ACTG2: variants seen among roughly 807,000 people sequenced by gnomAD.
ACTG2 encodes actin, gamma-enteric smooth muscle.
Under a neutral mutation model 37.6 loss-of-function variants are expected in ACTG2, and 16 were observed. That is an observed-to-expected ratio of 0.43 (90% CI 0.29 to 0.65). The LOEUF is 0.65. Among genes scored for constraint, ACTG2 ranks in the 30% least tolerant of loss-of-function variants. The pLI is 0.18. For synonymous variants in ACTG2, 181 were observed against 179.9 expected, an observed-to-expected ratio of 1.01 and a Z score of -0.05; for missense variants, 238 against 490.9, an observed-to-expected ratio of 0.48 and a Z score of 4.87.
chr2:73,902,632 C>T (rs751520874), intron 3 of ACTG2, 144 bp downstream of exon 3: 13 of 1,552,424 alleles, frequency 8.4e-6, no homozygotes, highest in Non-Finnish European at 1.1e-5. Flanking sequence ...AGCCCCACGA[C>T]CATTTCTCCA....
chr2:73,909,198 G>T, intron 5 of ACTG2, 59 bp downstream of exon 5: 1 of 1,483,206 alleles, frequency 6.7e-7, no homozygotes, highest in Non-Finnish European at 9.4e-7. Flanking sequence ...GAAAAGCTGG[G>T]GTCTGGCAGA....
chr2:73,909,944 G>C (rs1188161598), intron 5 of ACTG2, among the ~76,000 whole-genome samples: 1 of 152,328 alleles, frequency 6.6e-6, no homozygotes, highest in East Asian at 1.9e-4. Context: ...GCCAGGCACA[G>C]TGGCTCACAC....
chr2:73,915,238 G>T (rs907015201), intron 7 of ACTG2, among the ~76,000 whole-genome samples: 2 of 132,544 alleles, frequency 1.5e-5, no homozygotes, highest in Admixed American at 7.2e-5. Context: ...CCGGAGGCTT[G>T]GCCAGGCGCG....
intron 8 of ACTG2, among the ~76,000 whole-genome samples, chr2:73,917,315 G>A (rs932052244): frequency 1.8e-4 from 27 of 152,222 alleles, no homozygotes; most frequent in African/African-American, 6.0e-4. Context: ...CCGAAGGAGG[G>A]TAAAAGTTCC....
chr2:73,893,316 T>G (rs545579135), intron 1 of ACTG2, among the ~76,000 whole-genome samples: 1 of 152,304 alleles, frequency 6.6e-6, no homozygotes, highest in South Asian at 2.1e-4. Context: ...ATGCCTGCAG[T>G]CTCTACTAGC....
intron 3 of ACTG2, among the ~76,000 whole-genome samples, chr2:73,905,131 G>T (rs1679990873): frequency 6.6e-6 from 1 of 151,968 alleles, no homozygotes; most frequent in Non-Finnish European, 1.5e-5. Flanking sequence ...AATTATTTCT[G>T]GGACAACTGA....
intron 3 of ACTG2, chr2:73,908,390 G>T: frequency 1.9e-6 from 1 of 536,046 alleles, no homozygotes. Flanking sequence ...GTGCACAAAG[G>T]CAGGGGAGAG....
chr2:73,900,566 CCTT>C (rs1048596950), intron 1 of ACTG2, among the ~76,000 whole-genome samples: 3 of 152,066 alleles, frequency 2.0e-5, no homozygotes, highest in African/African-American at 7.3e-5. Flanking sequence ...TCATGGAGTC[CCTT>C]CTTTTCCTCT....
At chr2:73,901,822 T>A (rs781651093) in intron 2 of ACTG2, 6 of 217,302 alleles carry the variant, frequency 2.8e-5, no homozygotes, top group Non-Finnish European at 4.5e-5. Flanking sequence ...TTTAAGAAAT[T>A]TACACTTTGT....
chr2:73,903,733 A>G (rs1482252856), intron 3 of ACTG2, among the ~76,000 whole-genome samples: 1 of 151,890 alleles, frequency 6.6e-6, no homozygotes, highest in African/African-American at 2.4e-5. Flanking sequence ...CAAAATCAGG[A>G]GCTTGAGACC....
intron 1 of ACTG2, among the ~76,000 whole-genome samples, chr2:73,899,696 T>C (rs1192807959): frequency 6.6e-6 from 1 of 152,162 alleles, no homozygotes; most frequent in Non-Finnish European, 1.5e-5. Context: ...CTCATTGACA[T>C]TGACTGAGGC....
chr2:73,917,582 G>C (rs1680296790), intron 8 of ACTG2, among the ~76,000 whole-genome samples: 1 of 152,226 alleles, frequency 6.6e-6, no homozygotes, highest in Non-Finnish European at 1.5e-5. Context: ...AAAGAGTTGG[G>C]AATAGAAATA....
intron 5 of ACTG2, among the ~76,000 whole-genome samples, chr2:73,912,172 T>C (rs1680153201): frequency 6.6e-6 from 1 of 152,240 alleles, no homozygotes; most frequent in South Asian, 2.1e-4. Flanking sequence ...TTTGTTTTCA[T>C]TTTGAGATGC....
chr2:73,895,191 A>AG (rs143499123), intron 1 of ACTG2, among the ~76,000 whole-genome samples: 2,507 of 151,488 alleles, frequency 0.017, 60 homozygotes, highest in African/African-American at 0.056. Flanking sequence ...TTGGGGTGCC[A>AG]GGGGGGTTTT....
chr2:73,918,227 G>A (rs1680312125), intron 8 of ACTG2, among the ~76,000 whole-genome samples: 1 of 152,182 alleles, frequency 6.6e-6, no homozygotes. Context: ...GGAACTGGGG[G>A]AGATGAGGCA....
chr2:73,905,798 A>G (rs1292679452), intron 3 of ACTG2, among the ~76,000 whole-genome samples: 1 of 152,140 alleles, frequency 6.6e-6, no homozygotes, highest in East Asian at 1.9e-4. Flanking sequence ...CCTGAATACA[A>G]AAAATAAATT....
At chr2:73,902,035 G>GTGTC (rs1553394935) in intron 2 of ACTG2, among the ~76,000 whole-genome samples, 2 of 99,632 alleles carry the variant, frequency 2.0e-5, no homozygotes, top group African/African-American at 7.7e-5. Context: ...GTGTGTGTGT[G>GTGTC]TGTGTCTGTG....
intron 1 of ACTG2, among the ~76,000 whole-genome samples, chr2:73,896,347 CA>C (rs59825980): frequency 0.25 from 31,822 of 124,938 alleles, 3,855 homozygotes; most frequent in African/African-American, 0.39. Context: ...CCCAGTATCT[CA>C]AAAAAAAAAA....
intron 8 of ACTG2, among the ~76,000 whole-genome samples, chr2:73,918,622 T>C (rs577555411): frequency 6.6e-6 from 1 of 152,354 alleles, no homozygotes; most frequent in Admixed American, 6.5e-5. Context: ...CTGGATCCCC[T>C]TTGAAGTAGA....
Sources: allele counts gnomAD v4.1 joint callset (sites outside exome capture counted in the v4.1 genomes callset), GRCh38; gene constraint gnomAD v4.1.1; transcripts MANE v1.5; gene names NCBI Gene and HGNC (gene_info 2026-07-23, HGNC 2026-07-21).